Variants in TSPAN19 observed in about 807,000 individuals in gnomAD.
TSPAN19 encodes the protein tetraspanin 19.
TSPAN19 carries 44 observed loss-of-function variants against 35.1 expected under a neutral mutation model. The ratio of observed to expected loss-of-function variants is 1.25; its 90% CI spans 0.98 to 1.61. The LOEUF (loss-of-function observed/expected upper bound fraction) is 1.61. Ranked by LOEUF, TSPAN19 falls within the 40% of genes most tolerant of loss-of-function variation. The pLI, the probability that TSPAN19 is intolerant of heterozygous loss-of-function variation, is 0.00. For synonymous variants in TSPAN19, 79 were observed against 92.0 expected, an observed-to-expected ratio of 0.86 and a Z score of 0.81; for missense variants, 290 against 280.0, an observed-to-expected ratio of 1.04 and a Z score of -0.26.
chr12:85,027,384 C>T (rs1417101421), intron 4 of TSPAN19, among the ~76,000 whole-genome samples: 2 of 152,124 alleles, frequency 1.3e-5, no homozygotes, highest in Non-Finnish European at 2.9e-5. Flanking sequence ...CAAACCTCAG[C>T]ATCGTGCAAT....
chr12:85,028,299 T>A (rs1007381274), intron 3 of TSPAN19, among the ~76,000 whole-genome samples: 2 of 152,202 alleles, frequency 1.3e-5, no homozygotes, highest in Non-Finnish European at 2.9e-5. Context: ...TCTTCTATGA[T>A]AGAATAAATT....
chr12:85,022,479 A>C (rs961048148), intron 5 of TSPAN19, among the ~76,000 whole-genome samples: 1 of 152,102 alleles, frequency 6.6e-6, no homozygotes, highest in Admixed American at 6.6e-5. Context: ...AGGTAAGAGA[A>C]CTCTTGAGTA....
At chr12:85,025,677 C>T (rs1446619866) in intron 4 of TSPAN19, among the ~76,000 whole-genome samples, 1 of 152,054 alleles carries the variant, frequency 6.6e-6, no homozygotes, top group Non-Finnish European at 1.5e-5. Context: ...AGGCACCTGC[C>T]ATCATGCCCG....
At chr12:85,015,861 C>T in intron 8 of TSPAN19, 27 bp downstream of exon 8, 1 of 1,487,450 alleles carries the variant, frequency 6.7e-7, no homozygotes, top group Non-Finnish European at 9.1e-7. Flanking sequence ...TAATATTTTT[C>T]ATTTTAACAT....
chr12:85,016,289 G>A, intron 7 of TSPAN19: 1 of 193,210 alleles, frequency 5.2e-6, no homozygotes. Flanking sequence ...TTACCCACCA[G>A]CAATACCCCC....
At chr12:85,030,042 T>A in intron 1 of TSPAN19, 69 bp from the exon 2 acceptor site, 2 of 1,173,976 alleles carry the variant, frequency 1.7e-6, no homozygotes, top group Admixed American at 3.3e-5. Flanking sequence ...CTACTTATGT[T>A]CTTTATTTGC....
At chr12:85,028,721 G>A (rs1877540670) in intron 3 of TSPAN19, among the ~76,000 whole-genome samples, 1 of 152,154 alleles carries the variant, frequency 6.6e-6, no homozygotes, top group Admixed American at 6.6e-5. Context: ...CAGGAAATCT[G>A]CAAACCAACT....
chr12:85,014,845 G>C (rs1404924459), intron 8 of TSPAN19: 2 of 217,888 alleles, frequency 9.2e-6, no homozygotes, highest in African/African-American at 2.3e-5. Context: ...ACAAACTGCT[G>C]ATGGTTTTCT....
intron 3 of TSPAN19, among the ~76,000 whole-genome samples, chr12:85,029,198 CAG>C (rs1877566379): frequency 6.6e-6 from 1 of 152,130 alleles, no homozygotes; most frequent in East Asian, 1.9e-4. Context: ...ATGACTGACA[CAG>C]AGAAGATGCT....
chr12:85,034,011 G>A (rs1342054722), intron 1 of TSPAN19, among the ~76,000 whole-genome samples: 1 of 152,098 alleles, frequency 6.6e-6, no homozygotes, highest in Non-Finnish European at 1.5e-5. Flanking sequence ...GATGGAAACT[G>A]TGGGAAAGTC....
intron 5 of TSPAN19, among the ~76,000 whole-genome samples, 158 bp downstream of exon 5, chr12:85,023,168 C>G (rs1267102507): frequency 6.6e-6 from 1 of 152,042 alleles, no homozygotes; most frequent in Admixed American, 6.6e-5. Flanking sequence ...CTCCTGGCCC[C>G]TTCCTATACT....
intron 1 of TSPAN19, 57 bp from the exon 2 acceptor site, chr12:85,030,030 C>T (rs1168298300): frequency 1.6e-6 from 2 of 1,247,092 alleles, no homozygotes; most frequent in African/African-American, 3.1e-5. Flanking sequence ...AAATATTTCT[C>T]CCTACTTATG....
rs1378473309 is a variant in TSPAN19, at chr12:85,022,910, CTTGT to C, written c.339+412_339+415del. Among the ~76,000 whole-genome samples, 3 of 152,146 alleles carry C rather than the reference CTTGT, an allele frequency of 2.0e-5. No individual in the cohort carries two copies. The East Asian group carries it at 5.8e-4, about 29-fold the overall frequency. On this transcript the variant is annotated intron_variant, in intron 5 of 8. Coordinates refer to ENST00000532498, the MANE Select transcript of TSPAN19 (RefSeq NM_001100917.2). ...AAAATATAGGAATTATTCAGTATGT[CTTGT>C]TTAAGTGAAATTGCTAAATTTCAAA... is the stretch of plus-strand genomic sequence containing the variant.
At chr12:85,033,254 G>A (rs1877765954) in intron 1 of TSPAN19, among the ~76,000 whole-genome samples, 1 of 152,044 alleles carries the variant, frequency 6.6e-6, no homozygotes, top group African/African-American at 2.4e-5. Flanking sequence ...ATAATGAGGT[G>A]TAAGGAGGCA....
rs1565769354 is a variant in TSPAN19 at position 85,027,997 on chromosome 12, T to C, written c.166A>G (p.Ile56Val). 4 of 1,591,564 alleles carry C rather than the reference T, an allele frequency of 2.5e-6. No individual in the cohort carries two copies. The East Asian group carries it at 9.0e-5, about 36-fold the overall frequency. The change falls in exon 4 of 9, where the codon ATT (isoleucine) becomes GTT (valine). Residue 56 changes from isoleucine (I) to valine (V), a missense_variant. Transcript: ENST00000532498. ...FDENNHFIVP[I>V]SQILIGMGSS... ...CCCATTCCAATCAAAATTTGAGAAA[T>C]AGGTACTATGAAGTGATTATTTTCA... is the stretch of plus-strand genomic sequence containing the variant.
At chr12:85,025,607 C>A (rs1003764287) in intron 4 of TSPAN19, among the ~76,000 whole-genome samples, 1 of 151,988 alleles carries the variant, frequency 6.6e-6, no homozygotes, top group Non-Finnish European at 1.5e-5. Context: ...CTCACTGCAA[C>A]CTCCGCCTCC....
chr12:85,019,688 C>T lies in TSPAN19; in HGVS notation c.388G>A (p.Gly130Arg). 1 of 1,609,248 alleles carries T rather than the reference C, an allele frequency of 6.2e-7. No homozygotes were observed. Among genetic ancestry groups the T allele is most frequent in the African/African-American group, 1.3e-5 (1 of 74,704 alleles). ...DKIDFVISEY[G>R]SKDKPEDITK... ...ATATCTTCAGGCTTATCTTTAGATC[C>T]ATACTCAGAAATGACAAAATCAATT... The change falls in exon 6 of 9, where the codon GGA (glycine) becomes AGA (arginine). Residue 130 changes from glycine to arginine, a missense_variant. Transcript: ENST00000532498.
intron 5 of TSPAN19, among the ~76,000 whole-genome samples, chr12:85,022,114 A>G (rs934123194): frequency 6.6e-6 from 1 of 152,072 alleles, no homozygotes; most frequent in African/African-American, 2.4e-5. Context: ...ATGAGGTTGA[A>G]AAGTTTGAGG....
At chr12:85,021,048 C>T (rs1338102924) in intron 5 of TSPAN19, among the ~76,000 whole-genome samples, 1 of 151,824 alleles carries the variant, frequency 6.6e-6, no homozygotes, top group Non-Finnish European at 1.5e-5. Flanking sequence ...AAAGGTAGAA[C>T]GATTGTCGTA....
Sources: allele counts gnomAD v4.1 joint callset (sites outside exome capture counted in the v4.1 genomes callset), GRCh38; gene constraint gnomAD v4.1.1; transcripts MANE v1.5; gene names NCBI Gene and HGNC (gene_info 2026-07-23, HGNC 2026-07-21).